Variants in HDAC4 observed in about 807,000 individuals in gnomAD.
HDAC4 encodes histone deacetylase 4.
A neutral mutation model predicts 135.1 loss-of-function variants in HDAC4; 16 were observed. That is an observed-to-expected ratio of 0.12 (90% confidence interval 0.08 to 0.18). HDAC4 has a LOEUF of 0.18. Among genes scored for constraint, HDAC4 ranks in the 10% least tolerant of loss-of-function variants. The pLI is 1.00. For synonymous variants in HDAC4, 685 were observed against 653.4 expected (o/e 1.05, Z -0.74); for missense variants, 1,143 against 1,511.8 (o/e 0.76, Z 4.05).
intron 3 of HDAC4, 45 bp from the exon 4 acceptor site, chr2:239,190,122 C>CT: frequency 1.9e-6 from 3 of 1,568,166 alleles, no homozygotes; most frequent in Non-Finnish European, 2.6e-6. Context: ...CCGCCCTTTG[C>CT]TGTCCCTGGG....
rs372745423 is a variant in HDAC4 at position 239,308,010 on chromosome 2, G to A, written c.22+44668C>T. 6.6e-6 allele frequency among the ~76,000 whole-genome samples: 1 copy of A among 152,138 alleles called. No homozygotes were observed. The highest frequency in any genetic ancestry group is 1.9e-4 in the East Asian group (1 of 5,178). ...AGTGAGCGGCCACACAGCAATGAGTGGCCACACAGCAACGAGCTGCGAGGA... is the reference window on the plus strand; with the variant it reads ...AGTGAGCGGCCACACAGCAATGAGTAGCCACACAGCAACGAGCTGCGAGGA... On this transcript the variant is annotated intron_variant, in intron 2 of 26. Transcript: ENST00000543185. This position sits in a 1 kb window ranked among gnomAD's most constrained non-coding sequence, Gnocchi z 4.2.
chr2:239,357,050 T>C (rs932925077), intron 1 of HDAC4, among the ~76,000 whole-genome samples: 3 of 152,152 alleles, frequency 2.0e-5, no homozygotes, highest in Non-Finnish European at 4.4e-5. Flanking sequence ...GAACACTCCA[T>C]AAACAACGGC....
chr2:239,120,365 A>G (rs1052094833), intron 12 of HDAC4, among the ~76,000 whole-genome samples: 14 of 135,586 alleles, frequency 1.0e-4, no homozygotes, highest in African/African-American at 4.1e-4. Flanking sequence ...ACACACACAG[A>G]TACATATACC....
chr2:239,363,213 G>T (rs1392077025), intron 1 of HDAC4, among the ~76,000 whole-genome samples: 1 of 152,202 alleles, frequency 6.6e-6, no homozygotes, highest in African/African-American at 2.4e-5. Flanking sequence ...ATGAGATTCC[G>T]ATGTCAATGT....
intron 1 of HDAC4, among the ~76,000 whole-genome samples, chr2:239,357,129 T>C (rs1054066229): frequency 6.6e-6 from 1 of 152,218 alleles, no homozygotes; most frequent in African/African-American, 2.4e-5. Context: ...GAACACCTTC[T>C]GGGCCATAAA....
In HDAC4 at chr2:239,331,572, G is replaced by A. The variant is rs983697506; in HGVS notation, c.22+21106C>T. Among the ~76,000 whole-genome samples the A allele has an allele frequency of 1.3e-5, 2 of 152,122 alleles. No homozygotes were observed. Among genetic ancestry groups the A allele is most frequent in the East Asian group, 1.9e-4 (1 of 5,190 alleles). ...GCCGCCCAGATAGTGAGTTCTACGGGGGAAGCCTTCAGGAAGCACACACGG... is the reference window on the plus strand; with the variant it reads ...GCCGCCCAGATAGTGAGTTCTACGGAGGAAGCCTTCAGGAAGCACACACGG... On this transcript the variant is annotated intron_variant, in intron 2 of 26. Transcript: ENST00000543185. The surrounding 1 kb of genome is among the most constrained non-coding windows in gnomAD (Gnocchi z 4.5).
At chr2:239,178,606 A>AC (rs2043927764) in intron 4 of HDAC4, among the ~76,000 whole-genome samples, 1 of 151,620 alleles carries the variant, frequency 6.6e-6, no homozygotes, top group Admixed American at 6.6e-5. Flanking sequence ...CTGGTCTCAA[A>AC]CCCCTGGGCT....
chr2:239,087,665 T>G (rs2036111590), intron 18 of HDAC4, 51 bp from the exon 19 acceptor site: 1 of 1,566,248 alleles, frequency 6.4e-7, no homozygotes, highest in African/African-American at 1.4e-5. Flanking sequence ...ACACACTTTG[T>G]AGCCACGGGA....
At chr2:239,225,413 A>C (rs778066813) in intron 3 of HDAC4, among the ~76,000 whole-genome samples, 2 of 152,262 alleles carry the variant, frequency 1.3e-5, no homozygotes, top group Non-Finnish European at 2.9e-5. Context: ...GGAATTAATA[A>C]AACAGAGAAC....
intron 16 of HDAC4, among the ~76,000 whole-genome samples, chr2:239,095,664 C>A (rs953204233): frequency 3.9e-5 from 6 of 152,186 alleles, no homozygotes; most frequent in Non-Finnish European, 8.8e-5. Flanking sequence ...CCATGGAAAT[C>A]GGGGCCCTCG....
chr2:239,091,549 C>T (rs1469642085), intron 17 of HDAC4: 1 of 152,204 alleles, frequency 6.6e-6, no homozygotes, highest in Non-Finnish European at 1.5e-5. Flanking sequence ...CGTGTCCACC[C>T]TGCCTCTCCC....
chr2:239,373,174 C>A (rs151159405), intron 1 of HDAC4, among the ~76,000 whole-genome samples: 18 of 152,290 alleles, frequency 1.2e-4, no homozygotes, highest in Non-Finnish European at 1.9e-4. Context: ...GCAGAACGAC[C>A]TCTAAAGAGG....
intron 2 of HDAC4, among the ~76,000 whole-genome samples, chr2:239,275,608 CT>C (rs1368888241): frequency 1.3e-5 from 2 of 152,186 alleles, no homozygotes; most frequent in East Asian, 3.9e-4. Context: ...GCCACCGCCC[CT>C]GCCTGCACGG....
chr2:239,273,246 G>C (rs1214762089), intron 2 of HDAC4, among the ~76,000 whole-genome samples: 3 of 152,236 alleles, frequency 2.0e-5, no homozygotes, highest in Middle Eastern at 6.8e-3. Flanking sequence ...ACAGGGCCTC[G>C]TGGATCAAGG....
At chr2:239,063,009 C>T (rs965587035) in intron 24 of HDAC4, among the ~76,000 whole-genome samples, 12 of 152,258 alleles carry the variant, frequency 7.9e-5, no homozygotes, top group Admixed American at 3.3e-4. Flanking sequence ...CCCGCCAAGG[C>T]CCTGACCTTG....
intron 9 of HDAC4, among the ~76,000 whole-genome samples, chr2:239,137,107 G>GT (rs900959556): frequency 1.1e-4 from 16 of 152,192 alleles, no homozygotes; most frequent in Non-Finnish European, 1.5e-4. Context: ...TGTAAGCAAG[G>GT]TTTTTTTTAA....
chr2:239,119,937 G>A (rs968545361), intron 12 of HDAC4, among the ~76,000 whole-genome samples: 1 of 150,826 alleles, frequency 6.6e-6, no homozygotes, highest in African/African-American at 2.4e-5. Flanking sequence ...CCGTGGACAG[G>A]AGAGTGAGCA....
chr2:239,140,915 A>C (rs1326710997), intron 8 of HDAC4: 1 of 460,278 alleles, frequency 2.2e-6, no homozygotes. Context: ...GACTCTGCAA[A>C]TATAGCCCCG....
At chr2:239,358,050 G>A (rs1461037043) in intron 1 of HDAC4, among the ~76,000 whole-genome samples, 1 of 152,160 alleles carries the variant, frequency 6.6e-6, no homozygotes, top group African/African-American at 2.4e-5. Flanking sequence ...AGCTACCGAA[G>A]CTCACTGGAG....
Sources: gnomAD v4.1 joint callset for allele counts (sites outside exome capture counted in the v4.1 genomes callset) on GRCh38, gnomAD v4.1.1 for gene constraint, Gnocchi (gnomAD v3.1) non-coding constraint, MANE v1.5 for transcripts, NCBI Gene and HGNC (gene_info 2026-07-23, HGNC 2026-07-21) for gene names.